Variants in DTD1 observed in about 807,000 individuals in gnomAD.
DTD1 encodes the protein D-aminoacyl-tRNA deacylase 1.
Under a neutral mutation model 25.6 loss-of-function variants are expected in DTD1, and 13 were observed. The ratio of observed to expected loss-of-function variants is 0.51; its 90% CI spans 0.33 to 0.81. The LOEUF is 0.81. DTD1 is among the 30% of genes least tolerant of loss of function. DTD1 has a pLI of 0.02. For synonymous variants in DTD1, 110 were observed against 103.6 expected, an observed-to-expected ratio of 1.06 and a Z score of -0.37; for missense variants, 193 against 266.4, an observed-to-expected ratio of 0.72 and a Z score of 1.92.
chr20:18,735,974 A>T (rs911523999), intron 4 of DTD1, among the ~76,000 whole-genome samples: 1 of 152,078 alleles, frequency 6.6e-6, no homozygotes, highest in Non-Finnish European at 1.5e-5. Context: ...TCATTAGTGT[A>T]AGTGTATCTT....
chr20:18,713,069 G>T (rs538484711), intron 4 of DTD1, among the ~76,000 whole-genome samples: 61 of 152,380 alleles, frequency 4.0e-4, no homozygotes, highest in African/African-American at 1.3e-3. Context: ...GGCTGCTGGA[G>T]AGCTGTTCCC....
intron 3 of DTD1, among the ~76,000 whole-genome samples, chr20:18,611,999 C>T (rs372381492): frequency 1.1e-4 from 17 of 149,444 alleles, no homozygotes; most frequent in African/African-American, 2.2e-4. Flanking sequence ...GGATTACAGG[C>T]GCCCACGACC....
At chr20:18,592,839 T>A (rs1452361290) in intron 1 of DTD1, among the ~76,000 whole-genome samples, 1 of 152,006 alleles carries the variant, frequency 6.6e-6, no homozygotes, top group Non-Finnish European at 1.5e-5. Flanking sequence ...CCCGCCACCA[T>A]GCCCGGCTAA....
At chr20:18,646,395 A>G (rs1174148539) in intron 4 of DTD1, among the ~76,000 whole-genome samples, 1 of 152,124 alleles carries the variant, frequency 6.6e-6, no homozygotes, top group Non-Finnish European at 1.5e-5. Flanking sequence ...TGAATCTACC[A>G]TTCACCCCAT....
At chr20:18,713,344 A>C (rs1463948024) in intron 4 of DTD1, among the ~76,000 whole-genome samples, 4 of 152,228 alleles carry the variant, frequency 2.6e-5, no homozygotes, top group Non-Finnish European at 4.4e-5. Context: ...TCCTTCAGAA[A>C]TGTCCTCTTG....
chr20:18,674,105 A>G (rs2060960745), intron 4 of DTD1, among the ~76,000 whole-genome samples: 2 of 151,352 alleles, frequency 1.3e-5, no homozygotes, highest in African/African-American at 4.9e-5. Flanking sequence ...TTTTTTTCCA[A>G]TTTACTAACT....
chr20:18,741,889 A>T (rs2061279304), intron 4 of DTD1, among the ~76,000 whole-genome samples: 1 of 83,252 alleles, frequency 1.2e-5, no homozygotes, highest in Non-Finnish European at 2.6e-5. Flanking sequence ...CGCCTGGCTA[A>T]CCTTTGTATT....
chr20:18,655,262 A>T (rs914026297), intron 4 of DTD1, among the ~76,000 whole-genome samples: 1 of 152,198 alleles, frequency 6.6e-6, no homozygotes, highest in Non-Finnish European at 1.5e-5. Context: ...GATAGCTTCG[A>T]TTACTACTGA....
At chr20:18,734,298 C>A (rs1037570125) in intron 4 of DTD1, among the ~76,000 whole-genome samples, 3 of 152,192 alleles carry the variant, frequency 2.0e-5, no homozygotes, top group Non-Finnish European at 4.4e-5. Context: ...GTCACAGACT[C>A]GTGGGATTTC....
chr20:18,715,505 C>T (rs1291396475), intron 4 of DTD1, among the ~76,000 whole-genome samples: 6 of 152,096 alleles, frequency 3.9e-5, no homozygotes, highest in African/African-American at 7.2e-5. Context: ...CAGACGAGAC[C>T]GGGTGCATTT....
chr20:18,682,421 A>G (rs558150517), intron 4 of DTD1, among the ~76,000 whole-genome samples: 2 of 152,222 alleles, frequency 1.3e-5, no homozygotes, highest in East Asian at 3.8e-4. Context: ...TTAATCCACT[A>G]ATAGTGTCTT....
chr20:18,632,463 C>T, intron 4 of DTD1: 1 of 985,474 alleles, frequency 1.0e-6, no homozygotes, highest in Non-Finnish European at 1.2e-6. Flanking sequence ...CTCTCTCTGC[C>T]TTTTCTTCTG....
chr20:18,660,869 A>G (rs2060907215), intron 4 of DTD1, among the ~76,000 whole-genome samples: 1 of 152,200 alleles, frequency 6.6e-6, no homozygotes, highest in Non-Finnish European at 1.5e-5. Context: ...GATGCTGTGT[A>G]CCCCTCACCC....
At chr20:18,713,536 T>C (rs2061168153) in intron 4 of DTD1, among the ~76,000 whole-genome samples, 1 of 152,216 alleles carries the variant, frequency 6.6e-6, no homozygotes, top group Non-Finnish European at 1.5e-5. Context: ...GTCCAGAGAC[T>C]GGAGCAGGTC....
chr20:18,591,180 G>C (rs559037410), intron 1 of DTD1, among the ~76,000 whole-genome samples: 7 of 152,114 alleles, frequency 4.6e-5, no homozygotes, highest in South Asian at 2.1e-4. Context: ...GTCCCTGGAG[G>C]GGGGACAAAA....
chr20:18,747,121 A>G (rs2061303033), intron 5 of DTD1, among the ~76,000 whole-genome samples: 1 of 152,190 alleles, frequency 6.6e-6, no homozygotes, highest in Non-Finnish European at 1.5e-5. Flanking sequence ...GAAATCCTTA[A>G]TCCAAAGAGG....
rs144523940 is a variant in DTD1 at position 18,763,754 on chromosome 20, C to T, written c.*414C>T. Reference sequence around the variant, plus strand: ...GGTTCTCCAATACACTCACACTGTCCATGTTCTTTTTATTGCCAGGGCCCG... The same window carrying T: ...GGTTCTCCAATACACTCACACTGTCTATGTTCTTTTTATTGCCAGGGCCCG... On this transcript the variant is annotated 3_prime_UTR_variant, in exon 6 of 6. Coordinates refer to ENST00000377452, the MANE Select transcript of DTD1 (RefSeq NM_080820.6). 1 of 152,410 alleles carries T rather than the reference C, an allele frequency of 6.6e-6. No individual in the cohort carries two copies. The highest frequency in any genetic ancestry group is 1.5e-5 in the Non-Finnish European group (1 of 68,034). The allele number at this position is 152,410 out of a possible 1,614,324, so 9.4% of individuals were successfully genotyped here.
intron 5 of DTD1, among the ~76,000 whole-genome samples, chr20:18,758,676 T>A (rs1377293686): frequency 5.9e-5 from 9 of 152,244 alleles, no homozygotes; most frequent in African/African-American, 9.6e-5. Context: ...TGCTGAGGAG[T>A]GCTTTACTTC....
intron 5 of DTD1, among the ~76,000 whole-genome samples, chr20:18,753,348 C>T (rs1013584656): frequency 1.3e-5 from 2 of 152,082 alleles, no homozygotes; most frequent in African/African-American, 4.8e-5. Context: ...TGGCTTATGC[C>T]TGTAATCCCA....
Sources: allele counts gnomAD v4.1 joint callset (sites outside exome capture counted in the v4.1 genomes callset), GRCh38; gene constraint gnomAD v4.1.1; transcripts MANE v1.5; gene names NCBI Gene and HGNC (gene_info 2026-07-23, HGNC 2026-07-21).